Variants in ZNF383 observed in about 807,000 individuals in gnomAD.
ZNF383 encodes zinc finger protein 383.
Under a neutral mutation model 44.2 loss-of-function variants are expected in ZNF383, and 32 were observed. The ratio of observed to expected loss-of-function variants is 0.72; its 90% CI spans 0.55 to 0.97. The LOEUF (loss-of-function observed/expected upper bound fraction) is 0.97, where lower values mean the gene tolerates loss of function less well. ZNF383 is among the 50% of genes least tolerant of loss of function. The pLI, the probability that ZNF383 is intolerant of heterozygous loss-of-function variation, is 0.00. For missense variants in ZNF383, 487 were observed against 562.5 expected, an observed-to-expected ratio of 0.87 and a Z score of 1.36; for synonymous variants, 155 against 186.2, an observed-to-expected ratio of 0.83 and a Z score of 1.36.
chr19:37,230,081 A>C (rs1332549657), intron 2 of ZNF383, among the ~76,000 whole-genome samples: 1 of 152,052 alleles, frequency 6.6e-6, no homozygotes, highest in Non-Finnish European at 1.5e-5. Flanking sequence ...ATAGTAGGTC[A>C]TTAGCTCAGG....
chr19:37,245,062 G>A lies in ZNF383; in HGVS notation c.*1398G>A, dbSNP rs1052529261. The A allele has an allele frequency of 1.3e-5, 2 of 152,180 alleles. No individual in the cohort carries two copies. Among genetic ancestry groups the A allele is most frequent in the Non-Finnish European group, 2.9e-5 (2 of 68,068 alleles). The allele number at this position is 152,180 out of a possible 1,614,324, so 9.4% of individuals were successfully genotyped here. ...AATCCCAGCACTTTGGGAGGCCGAG[G>A]TGGGCGGATCACAAGGTCTGAAGAT... On this transcript the variant is annotated 3_prime_UTR_variant, in exon 6 of 6. Coordinates refer to ENST00000684119, the MANE Select transcript of ZNF383 (RefSeq NM_001387601.1).
chr19:37,248,364 T>C lies in ZNF383; in HGVS notation c.*4700T>C, dbSNP rs1974440548. On this transcript the variant is annotated 3_prime_UTR_variant, in exon 6 of 6. Coordinates refer to ENST00000684119, the MANE Select transcript of ZNF383 (RefSeq NM_001387601.1). ...AAAACAATTTGTCCAGAATCAGTTA[T>C]GAAAATACAGCATTATAAATTAGCA... The C allele has an allele frequency of 6.6e-6, 1 of 152,216 alleles. No individual in the cohort carries two copies. The highest frequency in any genetic ancestry group is 2.1e-4 in the South Asian group (1 of 4,832). 9.4% of individuals were successfully genotyped at this position (152,216 alleles called of 1,614,324 possible).
At chr19:37,233,101 T>C (rs947784430) in intron 3 of ZNF383, among the ~76,000 whole-genome samples, 4 of 151,392 alleles carry the variant, frequency 2.6e-5, no homozygotes, top group African/African-American at 9.7e-5. Context: ...GGATTTTGTT[T>C]GTTTGTTTAT....
At chr19:37,219,955 A>G (rs1371020347) in intron 1 of ZNF383, among the ~76,000 whole-genome samples, 1 of 152,150 alleles carries the variant, frequency 6.6e-6, no homozygotes, top group Non-Finnish European at 1.5e-5. Context: ...CCAGTGTACT[A>G]AAGTTTTGTT....
rs1253239685 is a variant in ZNF383 at position 37,247,196 on chromosome 19, A to G, written c.*3532A>G. ...ACCCAAGGAACTAAAACAAGCTGAAATGAATTGTGGGAGGAAGGAGGTAGT... is the reference window on the plus strand; with the variant it reads ...ACCCAAGGAACTAAAACAAGCTGAAGTGAATTGTGGGAGGAAGGAGGTAGT... On this transcript the variant is annotated 3_prime_UTR_variant, in exon 6 of 6. Transcript: ENST00000684119. 6.6e-6 allele frequency: 1 copy of G among 152,206 alleles called. No homozygotes were observed. The highest frequency in any genetic ancestry group is 2.4e-5 in the African/African-American group (1 of 41,452). The allele number at this position is 152,206 out of a possible 1,614,324, so 9.4% of individuals were successfully genotyped here. A position where few individuals can be genotyped will look rare whatever the true frequency, so the allele number is the denominator to read the frequency against.
chr19:37,242,610 G>T lies in ZNF383; in HGVS notation c.374G>T (p.Ser125Ile). ...TTTGGAGATGTTTTGGAATATAGAAGCCACCTTGCAAAACAACTGGGATAT... is the reference window on the plus strand; with the variant it reads ...TTTGGAGATGTTTTGGAATATAGAATCCACCTTGCAAAACAACTGGGATAT... ...SSFGDVLEYR[S>I]HLAKQLGYPN... The change falls in exon 6 of 6, where the codon AGC becomes ATC. Residue 125 changes from serine (S) to isoleucine (I), a missense_variant. By Grantham distance (142) the Ser-to-Ile change is moderately radical. Transcript: ENST00000684119. 2 of 1,613,998 alleles carry T rather than the reference G, an allele frequency of 1.2e-6. No individual in the cohort carries two copies. Among genetic ancestry groups the T allele is most frequent in the South Asian group, 2.2e-5 (2 of 91,082 alleles).
chr19:37,232,842 A>G (rs1056108563), intron 3 of ZNF383, among the ~76,000 whole-genome samples: 18 of 152,262 alleles, frequency 1.2e-4, no homozygotes, highest in African/African-American at 4.3e-4. Flanking sequence ...GAACTCATGG[A>G]TTAAACATTT....
At chr19:37,234,522 GA>G (rs1287691062) in intron 3 of ZNF383, among the ~76,000 whole-genome samples, 4 of 152,022 alleles carry the variant, frequency 2.6e-5, no homozygotes, top group East Asian at 1.9e-4. Context: ...CTGAGTAGCT[GA>G]GGACTACAGG....
At chr19:37,238,851 T>C (rs1177982782) in intron 5 of ZNF383, among the ~76,000 whole-genome samples, 5 of 152,182 alleles carry the variant, frequency 3.3e-5, no homozygotes, top group African/African-American at 1.2e-4. Context: ...GCTCTAGGGG[T>C]TCCTAACTTT....
intron 5 of ZNF383, among the ~76,000 whole-genome samples, chr19:37,237,755 G>C (rs2145526238): frequency 6.6e-6 from 1 of 152,130 alleles, no homozygotes; most frequent in East Asian, 1.9e-4. Flanking sequence ...GGGCAAGAGA[G>C]CCAACTCCTT....
rs320882 is a variant in ZNF383 at position 37,247,549 on chromosome 19, T to G, written c.*3885T>G. Reference sequence around the variant, plus strand: ...TCTCAATTTAAAAACTTAAGGCTGGTTGCAGTGGCTCATGCCTGTAATTCC... The same window carrying G: ...TCTCAATTTAAAAACTTAAGGCTGGGTGCAGTGGCTCATGCCTGTAATTCC... On this transcript the variant is annotated 3_prime_UTR_variant, in exon 6 of 6. Coordinates refer to ENST00000684119, the MANE Select transcript of ZNF383 (RefSeq NM_001387601.1). 136,204 of 152,178 alleles carry G rather than the reference T, an allele frequency of 0.9. 61,194 individuals carry two copies. The highest frequency in any genetic ancestry group is 0.97 in the African/African-American group (40,290 of 41,530). The allele number at this position is 152,178 out of a possible 1,614,324, so 9.4% of individuals were successfully genotyped here.
intron 1 of ZNF383, among the ~76,000 whole-genome samples, chr19:37,222,352 G>A: frequency 6.6e-6 from 1 of 152,158 alleles, no homozygotes; most frequent in South Asian, 2.1e-4. Context: ...TATTATTGCT[G>A]TTTAAAATTC....
rs191862940 is a variant in ZNF383, at chr19:37,224,645, C to T, written c.-167-173C>T. On this transcript the variant is annotated intron_variant, in intron 1 of 5. Transcript: ENST00000684119. ...ACAGCTCACTGCAAACTCGACCTTC[C>T]AGGCTCAGGTGATTGTCCCATCACA... 3.3e-5 allele frequency among the ~76,000 whole-genome samples: 5 copies of T among 152,020 alleles called. No homozygotes were observed. In the East Asian group the frequency reaches 7.7e-4, roughly 24 times the overall value.
intron 5 of ZNF383, among the ~76,000 whole-genome samples, chr19:37,237,780 C>T (rs1396445697): frequency 6.6e-6 from 1 of 151,940 alleles, no homozygotes; most frequent in Non-Finnish European, 1.5e-5. Context: ...CAAGCCCCTT[C>T]GTAAGAGCAC....
chr19:37,221,583 A>AAT (rs369953934), intron 1 of ZNF383, among the ~76,000 whole-genome samples: 12 of 151,538 alleles, frequency 7.9e-5, no homozygotes, highest in East Asian at 3.9e-4. Context: ...CCCTGTCTCA[A>AAT]ATATATATAT....
Position 37,224,839 on chromosome 19 carries a change from C to T in ZNF383, c.-146C>T, listed in dbSNP as rs1973084239. 1.3e-5 allele frequency: 2 copies of T among 151,982 alleles called. No homozygotes were observed. The highest frequency in any genetic ancestry group is 4.8e-5 in the African/African-American group (2 of 41,278). The allele number at this position is 151,982 out of a possible 1,614,324, so 9.4% of individuals were successfully genotyped here. The stretch of plus-strand genomic sequence containing the variant: ...TTAGACGGAGTCTCACTCTGTTGCC[C>T]AAGCTGGAGTGCAGTGGCATGATCT... On this transcript the variant is annotated 5_prime_UTR_variant, in exon 2 of 6. Transcript: ENST00000684119.
chr19:37,221,993 A>G (rs931075661), intron 1 of ZNF383, among the ~76,000 whole-genome samples: 1 of 151,220 alleles, frequency 6.6e-6, no homozygotes, highest in African/African-American at 2.4e-5. Flanking sequence ...TATTCCTTTG[A>G]CCAGATCTCA....
chr19:37,228,019 G>A (rs1013658939), intron 2 of ZNF383, among the ~76,000 whole-genome samples: 2 of 152,176 alleles, frequency 1.3e-5, no homozygotes, highest in Non-Finnish European at 2.9e-5. Flanking sequence ...GGCTGTGGGC[G>A]GGCCTGACTA....
At chr19:37,229,640 A>G (rs1973363240) in intron 2 of ZNF383, among the ~76,000 whole-genome samples, 1 of 145,248 alleles carries the variant, frequency 6.9e-6, no homozygotes. Flanking sequence ...GTGTATATAT[A>G]TATATATGTA....
Sources: gnomAD v4.1 joint callset for allele counts (sites outside exome capture counted in the v4.1 genomes callset) on GRCh38, gnomAD v4.1.1 for gene constraint, MANE v1.5 for transcripts, NCBI Gene and HGNC (gene_info 2026-07-23, HGNC 2026-07-21) for gene names.